Variants in N4BP2L1 observed in about 807,000 individuals in gnomAD.
N4BP2L1 encodes NEDD4 binding protein 2 like 1, also known as NEDD4-binding protein 2-like 1.
A neutral mutation model predicts 21.2 loss-of-function variants in N4BP2L1; 12 were observed. The ratio of observed to expected loss-of-function variants is 0.57; its 90% CI spans 0.36 to 0.92. The LOEUF (loss-of-function observed/expected upper bound fraction) is 0.92, where lower values mean the gene tolerates loss of function less well. N4BP2L1 is among the 40% of genes least tolerant of loss of function. The pLI, the probability that N4BP2L1 is intolerant of heterozygous loss-of-function variation, is 0.01. For missense variants in N4BP2L1, 259 were observed against 310.6 expected (o/e 0.83, Z 1.25); for synonymous variants, 104 against 112.8 (o/e 0.92, Z 0.49).
intron 1 of N4BP2L1, among the ~76,000 whole-genome samples, chr13:32,420,985 C>T (rs531815863): frequency 6.6e-6 from 1 of 152,342 alleles, no homozygotes; most frequent in East Asian, 1.9e-4. Context: ...CATGAGCCAC[C>T]ATGCCCAGCC....
At chr13:32,427,867 CG>C in intron 1 of N4BP2L1, 36 bp downstream of exon 1, 1 of 1,377,848 alleles carries the variant, frequency 7.3e-7, no homozygotes, top group Non-Finnish European at 9.5e-7. Context: ...TTGGTGGCCC[CG>C]GGCCCGTGCA....
In N4BP2L1 at chr13:32,407,768, A is replaced by G; in HGVS notation, c.184T>C (p.Leu62=). Residue 62 remains leucine, a synonymous_variant, in exon 2 of 5, where the codon TTG becomes CTG. Transcript: ENST00000380130. The part of the protein sequence containing the change: ...GSGKTTLARQ[L]QHDFPRALIF... The stretch of plus-strand genomic sequence containing the variant: ...AGGGCCCTGGGAAAGTCATGCTGCA[A>G]TTGTCTGGAAAGTGGAGAAATGAGA... The G allele has an allele frequency of 1.3e-6, 2 of 1,586,594 alleles. No individual in the cohort carries two copies. The highest frequency in any genetic ancestry group is 1.7e-6 in the Non-Finnish European group (2 of 1,169,244).
intron 1 of N4BP2L1, among the ~76,000 whole-genome samples, chr13:32,418,604 C>G (rs2074278775): frequency 6.6e-6 from 1 of 152,224 alleles, no homozygotes; most frequent in African/African-American, 2.4e-5. Flanking sequence ...GATCCACTGA[C>G]AGCTTGCAGC....
chr13:32,402,380 T>A lies in N4BP2L1; in HGVS notation c.*562A>T, dbSNP rs142989979. On this transcript the variant is annotated 3_prime_UTR_variant, in exon 5 of 5. Coordinates refer to ENST00000380130, the MANE Select transcript of N4BP2L1 (RefSeq NM_052818.3). ...AAATAACTTCCCAAAGTGTCTACTT[T>A]GAAGGACAATGTTCCCTTAGATGTA... is the stretch of plus-strand genomic sequence containing the variant. The A allele has an allele frequency of 1.2e-5, 9 of 724,928 alleles. No individual in the cohort carries two copies. In the East Asian group the frequency reaches 1.1e-3, roughly 85 times the overall value. 44.9% of individuals were successfully genotyped at this position (724,928 alleles called of 1,614,324 possible).
chr13:32,418,254 C>G (rs1226558134), intron 1 of N4BP2L1, among the ~76,000 whole-genome samples: 1 of 152,242 alleles, frequency 6.6e-6, no homozygotes, highest in African/African-American at 2.4e-5. Context: ...GCAGCTCTGG[C>G]TGGCCATGGC....
chr13:32,421,048 T>C (rs1300362281), intron 1 of N4BP2L1, among the ~76,000 whole-genome samples: 1 of 152,220 alleles, frequency 6.6e-6, no homozygotes, highest in Non-Finnish European at 1.5e-5. Context: ...GGTTTCGTTC[T>C]TTACTCAAGA....
intron 3 of N4BP2L1, among the ~76,000 whole-genome samples, chr13:32,405,892 C>CT (rs754694153): frequency 0.016 from 1,611 of 101,226 alleles, 103 homozygotes; most frequent in African/African-American, 0.024. Context: ...TTCCTGCCCC[C>CT]TTTTTTTTTT....
Position 32,428,070 on chromosome 13 carries a change from A to G in N4BP2L1, c.13T>C (p.Phe5Leu). Residue 5 changes from phenylalanine (F) to leucine (L), a missense_variant, in exon 1 of 5, where the codon TTC (phenylalanine) becomes CTC (leucine). Around this residue, in one of 3 missense-constraint regions of N4BP2L1, gnomAD observed 60 missense variants for 54.7 expected, o/e 1.10. Coordinates refer to ENST00000380130, the MANE Select transcript of N4BP2L1 (RefSeq NM_052818.3). ...CTCAGCCTCCCAAAAGATTGAAGGA[A>G]ACTGTCCTCCATGGGCAGGAGGGCT... is the stretch of plus-strand genomic sequence containing the variant. MEDS[F>L]LQSFGRLSLQ... 6.7e-7 allele frequency: 1 copy of G among 1,484,126 alleles called. No homozygotes were observed. The allele number at this position is 1,484,126 out of a possible 1,614,324, so 91.9% of individuals were successfully genotyped here.
chr13:32,403,107 T>C lies in N4BP2L1; in HGVS notation c.567A>G (p.Glu189=), dbSNP rs764989030. 6.2e-7 allele frequency: 1 copy of C among 1,614,182 alleles called. No individual in the cohort carries two copies. The highest frequency in any genetic ancestry group is 1.1e-5 in the South Asian group (1 of 91,086). The change falls in exon 5 of 5, where the codon GAA becomes GAG. Residue 189 remains glutamate (E), a synonymous_variant. Coordinates refer to ENST00000380130, the MANE Select transcript of N4BP2L1 (RefSeq NM_052818.3). ...GGTTTCTGTTCATTCTGCTTGGCTT[T>C]TCTGCATGAAGCACACTGTGAAAAG... ...DVTFHSVLHA[E]KPSRMNRNQD...
chr13:32,426,043 A>G (rs546889952), intron 1 of N4BP2L1: 1 of 152,168 alleles, frequency 6.6e-6, no homozygotes, highest in African/African-American at 2.4e-5. Flanking sequence ...TAAAATCCTA[A>G]AAGTGCAGAA....
intron 4 of N4BP2L1, among the ~76,000 whole-genome samples, chr13:32,404,006 G>C (rs1024233775): frequency 1.3e-5 from 2 of 152,052 alleles, no homozygotes; most frequent in Non-Finnish European, 2.9e-5. Context: ...AAACACCATT[G>C]ACATGTGCAG....
chr13:32,410,020 C>A (rs187918286), intron 1 of N4BP2L1, among the ~76,000 whole-genome samples: 59 of 152,280 alleles, frequency 3.9e-4, no homozygotes, highest in Non-Finnish European at 7.5e-4. Context: ...CGGAGACATG[C>A]GGAGTGTTTC....
intron 1 of N4BP2L1, among the ~76,000 whole-genome samples, chr13:32,424,141 C>T (rs1481214147): frequency 2.6e-5 from 4 of 152,176 alleles, no homozygotes; most frequent in African/African-American, 9.7e-5. Flanking sequence ...CTCTCTACTC[C>T]TTTGTTCAGC....
intron 1 of N4BP2L1, among the ~76,000 whole-genome samples, chr13:32,422,039 C>G (rs566365628): frequency 6.6e-6 from 1 of 152,238 alleles, no homozygotes; most frequent in African/African-American, 2.4e-5. Flanking sequence ...ACTACCACAT[C>G]TCTCTCCAAC....
intron 3 of N4BP2L1, chr13:32,406,354 C>T (rs1407889918): frequency 1.3e-5 from 2 of 152,328 alleles, no homozygotes; most frequent in African/African-American, 4.8e-5. Flanking sequence ...CTGTTACAGG[C>T]ATCGTACTGT....
At chr13:32,424,111 C>G (rs2074635122) in intron 1 of N4BP2L1, among the ~76,000 whole-genome samples, 1 of 152,152 alleles carries the variant, frequency 6.6e-6, no homozygotes, top group Non-Finnish European at 1.5e-5. Flanking sequence ...GCATTAGAAT[C>G]TTATTTCTTC....
At chr13:32,423,272 A>C (rs2074582769) in intron 1 of N4BP2L1, among the ~76,000 whole-genome samples, 1 of 152,236 alleles carries the variant, frequency 6.6e-6, no homozygotes, top group South Asian at 2.1e-4. Flanking sequence ...TGTTATCCAG[A>C]GATATGAATA....
chr13:32,407,403 T>A (rs942546456), intron 2 of N4BP2L1, 65 bp from the exon 3 acceptor site: 32 of 1,611,794 alleles, frequency 2.0e-5, no homozygotes, highest in Non-Finnish European at 2.6e-5. Context: ...GAGCGTAATC[T>A]CTATTCGTCA....
At chr13:32,427,306 C>T (rs2074830323) in intron 1 of N4BP2L1, among the ~76,000 whole-genome samples, 1 of 152,228 alleles carries the variant, frequency 6.6e-6, no homozygotes, top group Non-Finnish European at 1.5e-5. Flanking sequence ...GCCAGATTTT[C>T]AAAGCGGGCT....
Sources: allele counts gnomAD v4.1 joint callset (sites outside exome capture counted in the v4.1 genomes callset), GRCh38; gene constraint gnomAD v4.1.1; regional missense constraint gnomAD v4.1.1; transcripts MANE v1.5; gene names NCBI Gene and HGNC (gene_info 2026-07-23, HGNC 2026-07-21).